SPPL3: variants seen among roughly 807,000 people sequenced by gnomAD.
SPPL3 encodes signal peptide peptidase like 3, also known as signal peptide peptidase-like 3.
SPPL3 carries 5 observed loss-of-function variants against 42.4 expected under a neutral mutation model. The ratio of observed to expected loss-of-function variants is 0.12; its 90% CI spans 0.06 to 0.25. SPPL3 has a LOEUF of 0.25. Ranked by LOEUF, SPPL3 falls within the 10% of genes least tolerant of loss-of-function variation. SPPL3 has a pLI of 1.00. For missense variants in SPPL3, 235 were observed against 489.0 expected, an observed-to-expected ratio of 0.48 and a Z score of 4.90; for synonymous variants, 195 against 181.8, an observed-to-expected ratio of 1.07 and a Z score of -0.58.
chr12:120,766,172 A>T, intron 10 of SPPL3, 91 bp downstream of exon 10: 1 of 1,046,384 alleles, frequency 9.6e-7, no homozygotes, highest in Non-Finnish European at 1.4e-6. Flanking sequence ...TCAGGGGCTT[A>T]AGCAGAATCA....
rs370824307 is a variant in SPPL3, at chr12:120,763,448, A to T, written c.*1551T>A. 22 of 152,674 alleles carry T rather than the reference A, an allele frequency of 1.4e-4. No homozygotes were observed. Among genetic ancestry groups the T allele is most frequent in the African/African-American group, 5.1e-4 (21 of 41,400 alleles). The allele number at this position is 152,674 out of a possible 1,614,324, so 9.5% of individuals were successfully genotyped here. A position where few individuals can be genotyped will look rare whatever the true frequency, so the allele number is the denominator to read the frequency against. ...GACAGAGGCAGCCACTGGGGCGGGG[A>T]CCCTTGGGGAGAGGCTGGAACTCAG... On this transcript the variant is annotated 3_prime_UTR_variant, in exon 11 of 11. Coordinates refer to ENST00000353487, the MANE Select transcript of SPPL3 (RefSeq NM_139015.5).
chr12:120,889,718 T>C (rs898532096), intron 1 of SPPL3, among the ~76,000 whole-genome samples: 1 of 152,236 alleles, frequency 6.6e-6, no homozygotes. Context: ...TGCAGTGTTA[T>C]TGTGGCAATA....
Position 120,768,708 on chromosome 12 carries a change from A to T in SPPL3, c.610-220T>A, listed in dbSNP as rs1868997573. On this transcript the variant is annotated intron_variant, in intron 7 of 10. Transcript: ENST00000353487. ...TCCCTGACGGGGTGGCCCCCACTGCAGCGAATCTTGTCAGCCTGTTACCTC... is the reference window on the plus strand; with the variant it reads ...TCCCTGACGGGGTGGCCCCCACTGCTGCGAATCTTGTCAGCCTGTTACCTC... 11 of 648,796 alleles carry T rather than the reference A, an allele frequency of 1.7e-5. No individual in the cohort carries two copies. In the Admixed American group the frequency reaches 2.1e-4, roughly 12 times the overall value. 40.2% of individuals were successfully genotyped at this position (648,796 alleles called of 1,614,324 possible).
intron 1 of SPPL3, among the ~76,000 whole-genome samples, chr12:120,881,925 G>A (rs1264044417): frequency 6.6e-6 from 1 of 151,968 alleles, no homozygotes; most frequent in Non-Finnish European, 1.5e-5. Context: ...GGAATGAGGA[G>A]TTAAAAGTTT....
chr12:120,883,957 C>T (rs111792060), intron 1 of SPPL3, among the ~76,000 whole-genome samples: 6,351 of 152,012 alleles, frequency 0.042, 185 homozygotes, highest in South Asian at 0.12. Flanking sequence ...CAAAATTAGC[C>T]GGGCGTGGTG....
chr12:120,806,577 G>A (rs191853775), intron 2 of SPPL3, among the ~76,000 whole-genome samples: 3 of 152,166 alleles, frequency 2.0e-5, no homozygotes, highest in African/African-American at 4.8e-5. Context: ...AGCCAGGCGC[G>A]GTGGCTCACG....
intron 6 of SPPL3, among the ~76,000 whole-genome samples, chr12:120,775,059 G>T (rs1869262460): frequency 6.6e-6 from 1 of 152,198 alleles, no homozygotes; most frequent in Non-Finnish European, 1.5e-5. Flanking sequence ...GACATAACCT[G>T]TAAGGTTTCT....
intron 1 of SPPL3, among the ~76,000 whole-genome samples, chr12:120,848,283 G>C (rs962758648): frequency 1.1e-4 from 16 of 152,282 alleles, no homozygotes; most frequent in South Asian, 2.1e-4. Context: ...TACAGGATCA[G>C]GATATATCTC....
At chr12:120,891,031 ACT>A (rs1301687595) in intron 1 of SPPL3, among the ~76,000 whole-genome samples, 1 of 151,998 alleles carries the variant, frequency 6.6e-6, no homozygotes, top group Non-Finnish European at 1.5e-5. Flanking sequence ...CTACACAATG[ACT>A]CTGGTTTAGC....
intron 1 of SPPL3, among the ~76,000 whole-genome samples, chr12:120,888,643 G>C (rs749272243): frequency 8.7e-4 from 132 of 152,212 alleles, no homozygotes; most frequent in Non-Finnish European, 1.4e-3. Context: ...GCCAAGGGCT[G>C]GGGAGAAGGG....
chr12:120,798,651 A>G (rs988586889), intron 2 of SPPL3, among the ~76,000 whole-genome samples: 1 of 152,214 alleles, frequency 6.6e-6, no homozygotes, highest in Non-Finnish European at 1.5e-5. Context: ...TTGGAAACAC[A>G]TATATTAATT....
At chr12:120,876,157 C>T (rs890258802) in intron 1 of SPPL3, among the ~76,000 whole-genome samples, 3 of 151,976 alleles carry the variant, frequency 2.0e-5, no homozygotes, top group African/African-American at 4.8e-5. Flanking sequence ...ATATTCTAGA[C>T]CACCAAAAAC....
At chr12:120,865,926 G>A (rs1413552643) in intron 1 of SPPL3, among the ~76,000 whole-genome samples, 5 of 152,120 alleles carry the variant, frequency 3.3e-5, no homozygotes, top group Non-Finnish European at 5.9e-5. Context: ...GATCAGCAGT[G>A]GCATTAGATT....
intron 2 of SPPL3, among the ~76,000 whole-genome samples, chr12:120,804,117 A>G (rs1346327663): frequency 1.3e-5 from 2 of 152,182 alleles, no homozygotes; most frequent in African/African-American, 4.8e-5. Context: ...AACTGCCCTC[A>G]TTACCTAAGA....
chr12:120,870,348 G>A (rs1237018564), intron 1 of SPPL3, among the ~76,000 whole-genome samples: 1 of 152,178 alleles, frequency 6.6e-6, no homozygotes, highest in Non-Finnish European at 1.5e-5. Context: ...GGGAGGCTGA[G>A]GCAGGAGAAT....
chr12:120,843,734 C>CT (rs1237588467), intron 1 of SPPL3, among the ~76,000 whole-genome samples: 1 of 152,104 alleles, frequency 6.6e-6, no homozygotes, highest in Non-Finnish European at 1.5e-5. Context: ...GGGTGGATCG[C>CT]TTGAGGTCAG....
At chr12:120,767,845 A>C (rs560808820) in intron 8 of SPPL3, among the ~76,000 whole-genome samples, 3 of 152,202 alleles carry the variant, frequency 2.0e-5, no homozygotes, top group East Asian at 1.9e-4. Flanking sequence ...AGTGATTTGC[A>C]TAAGTGCTGC....
intron 1 of SPPL3, among the ~76,000 whole-genome samples, chr12:120,892,608 T>C (rs1324820031): frequency 3.9e-5 from 6 of 152,138 alleles, no homozygotes; most frequent in African/African-American, 1.2e-4. Flanking sequence ...TAAGACCAGA[T>C]TGTTTTGAAA....
chr12:120,895,592 G>A (rs757938577), intron 1 of SPPL3, among the ~76,000 whole-genome samples: 1 of 152,132 alleles, frequency 6.6e-6, no homozygotes, highest in African/African-American at 2.4e-5. Context: ...AAGTTTAAGC[G>A]CTGGCTAAAT....
Sources: gnomAD v4.1 joint callset for allele counts (sites outside exome capture counted in the v4.1 genomes callset) on GRCh38, gnomAD v4.1.1 for gene constraint, MANE v1.5 for transcripts, NCBI Gene and HGNC (gene_info 2026-07-23, HGNC 2026-07-21) for gene names.